Variants in GRIN2A observed in about 807,000 individuals in gnomAD.
The protein encoded by GRIN2A is glutamate receptor ionotropic, NMDA 2A.
GRIN2A carries 22 observed loss-of-function variants against 113.4 expected under a neutral mutation model. The ratio of observed to expected loss-of-function variants is 0.19; its 90% CI spans 0.14 to 0.28. GRIN2A has a LOEUF of 0.28. GRIN2A is among the 10% of genes least tolerant of loss of function. The pLI is 1.00. For synonymous variants in GRIN2A, 827 were observed against 738.4 expected (o/e 1.12, Z -1.94); for missense variants, 1,502 against 1,887.0 (o/e 0.80, Z 3.78).
chr16:10,159,352 G>C (rs909458282), intron 2 of GRIN2A, among the ~76,000 whole-genome samples: 5 of 152,220 alleles, frequency 3.3e-5, no homozygotes, highest in African/African-American at 7.2e-5. Flanking sequence ...CCATGTCAAG[G>C]AGAGAAGCCC....
At chr16:9,923,521 A>AT (rs1364557240) in intron 3 of GRIN2A, among the ~76,000 whole-genome samples, 17 of 151,066 alleles carry the variant, frequency 1.1e-4, no homozygotes, top group Admixed American at 4.0e-4. Flanking sequence ...TAAGTTGAAT[A>AT]TTTTTTATCA....
At chr16:9,937,003 A>C (rs2044727128) in intron 3 of GRIN2A, among the ~76,000 whole-genome samples, 1 of 152,204 alleles carries the variant, frequency 6.6e-6, no homozygotes, top group Admixed American at 6.5e-5. Flanking sequence ...TCAACCCTAG[A>C]AAAAACACTT....
At chr16:10,039,180 G>T (rs560555836) in intron 2 of GRIN2A, among the ~76,000 whole-genome samples, 1 of 152,136 alleles carries the variant, frequency 6.6e-6, no homozygotes, top group Non-Finnish European at 1.5e-5. Flanking sequence ...ATGATAGACA[G>T]TGAGTGGAAA....
chr16:10,019,714 T>C (rs2046680700), intron 2 of GRIN2A, among the ~76,000 whole-genome samples: 1 of 152,186 alleles, frequency 6.6e-6, no homozygotes, highest in South Asian at 2.1e-4. Flanking sequence ...TCAGCGAGGG[T>C]TCAGGACTAC....
At chr16:10,034,785 G>A (rs2046995015) in intron 2 of GRIN2A, among the ~76,000 whole-genome samples, 1 of 152,074 alleles carries the variant, frequency 6.6e-6, no homozygotes. Context: ...CTCATCTCAA[G>A]AACCACTAGG....
At chr16:9,914,893 T>C (rs1316866925) in intron 3 of GRIN2A, among the ~76,000 whole-genome samples, 5 of 133,366 alleles carry the variant, frequency 3.7e-5, no homozygotes, top group Non-Finnish European at 7.9e-5. Flanking sequence ...TTACAGCCTA[T>C]TGATTATGCA....
intron 2 of GRIN2A, among the ~76,000 whole-genome samples, chr16:10,003,558 T>C (rs1480364581): frequency 1.3e-5 from 2 of 152,216 alleles, no homozygotes; most frequent in Admixed American, 6.5e-5. Flanking sequence ...GTATACCAAG[T>C]AGAGCTGAGT....
At chr16:10,146,274 C>T (rs745584399) in intron 2 of GRIN2A, among the ~76,000 whole-genome samples, 2 of 152,276 alleles carry the variant, frequency 1.3e-5, no homozygotes, top group Non-Finnish European at 2.9e-5. Flanking sequence ...TGTGCTACCA[C>T]GCCCGACTAA....
chr16:10,009,465 G>A (rs372321444), intron 2 of GRIN2A, among the ~76,000 whole-genome samples: 12 of 152,042 alleles, frequency 7.9e-5, no homozygotes, highest in African/African-American at 7.2e-5. Context: ...TAGAGTATGC[G>A]CCACTCGAAA....
intron 11 of GRIN2A, among the ~76,000 whole-genome samples, chr16:9,789,708 A>C (rs2141205351): frequency 6.6e-6 from 1 of 152,368 alleles, no homozygotes; most frequent in South Asian, 2.1e-4. Flanking sequence ...GGTCTGGCTA[A>C]GTCAAAACTG....
chr16:9,822,502 T>C, intron 9 of GRIN2A, 78 bp from the exon 10 acceptor site: 2 of 926,540 alleles, frequency 2.2e-6, no homozygotes, highest in Non-Finnish European at 3.6e-6. Flanking sequence ...GAACAAATAA[T>C]AAATTAGTGA....
chr16:10,010,628 C>T (rs1406342458), intron 2 of GRIN2A, among the ~76,000 whole-genome samples: 2 of 152,108 alleles, frequency 1.3e-5, no homozygotes, highest in African/African-American at 2.4e-5. Flanking sequence ...TGCTTCCCAC[C>T]GTTATTATTG....
chr16:9,829,800 A>G (rs2042455455), intron 8 of GRIN2A, 148 bp from the exon 9 acceptor site: 1 of 634,906 alleles, frequency 1.6e-6, no homozygotes, highest in African/African-American at 1.8e-5. Context: ...CCCTAGAACC[A>G]CAATAACTTA....
chr16:9,842,594 A>G (rs550968702), intron 5 of GRIN2A, among the ~76,000 whole-genome samples: 2 of 152,352 alleles, frequency 1.3e-5, no homozygotes, highest in South Asian at 4.1e-4. Flanking sequence ...AATCACAGCT[A>G]TATAAAAACA....
At chr16:9,912,924 C>A (rs948964313) in intron 3 of GRIN2A, among the ~76,000 whole-genome samples, 1 of 152,234 alleles carries the variant, frequency 6.6e-6, no homozygotes, top group African/African-American at 2.4e-5. Flanking sequence ...CCCAAATAGT[C>A]TCCACATAGA....
chr16:9,780,465 T>C (rs969475086), intron 11 of GRIN2A, among the ~76,000 whole-genome samples: 6 of 152,230 alleles, frequency 3.9e-5, no homozygotes, highest in African/African-American at 1.4e-4. Flanking sequence ...CATCAATGAA[T>C]ACATGTTGTA....
At chr16:9,816,269 T>C (rs1197950013) in intron 10 of GRIN2A, among the ~76,000 whole-genome samples, 1 of 152,240 alleles carries the variant, frequency 6.6e-6, no homozygotes, top group Non-Finnish European at 1.5e-5. Flanking sequence ...TTTTACTCTA[T>C]GCATATTTTA....
rs185560876 is a variant in GRIN2A at position 9,809,456 on chromosome 16, A to G, written c.2169-10992T>C. Reference sequence around the variant, plus strand: ...GAAAAACAAAAACATATGCAAATGCATATAATAAAAGTCTTGGAGAAATGG... The same window carrying G: ...GAAAAACAAAAACATATGCAAATGCGTATAATAAAAGTCTTGGAGAAATGG... On this transcript the variant is annotated intron_variant, in intron 10 of 12. Coordinates refer to ENST00000330684, the MANE Select transcript of GRIN2A (RefSeq NM_001134407.3). Among the ~76,000 whole-genome samples the G allele has an allele frequency of 3.3e-5, 5 of 152,322 alleles. No homozygotes were observed. In the East Asian group the frequency reaches 9.6e-4, roughly 29 times the overall value.
intron 11 of GRIN2A, among the ~76,000 whole-genome samples, chr16:9,787,244 G>A (rs533904737): frequency 2.6e-5 from 4 of 152,162 alleles, no homozygotes; most frequent in African/African-American, 9.6e-5. Flanking sequence ...GAAACACTGA[G>A]GCTTCATGCA....
Sources: gnomAD v4.1 joint callset for allele counts (sites outside exome capture counted in the v4.1 genomes callset) on GRCh38, gnomAD v4.1.1 for gene constraint, MANE v1.5 for transcripts, NCBI Gene and HGNC (gene_info 2026-07-23, HGNC 2026-07-21) for gene names.